The following PAK5 variants were observed in gnomAD, a reference collection of about 807,000 sequenced individuals.
PAK5 encodes the protein serine/threonine-protein kinase PAK 5.
PAK5 carries 16 observed loss-of-function variants against 65.9 expected under a neutral mutation model. The ratio of observed to expected loss-of-function variants is 0.24; its 90% CI spans 0.16 to 0.37. The LOEUF (loss-of-function observed/expected upper bound fraction) is 0.37. Among genes scored for constraint, PAK5 ranks in the 10% least tolerant of loss-of-function variants. The pLI, the probability that PAK5 is intolerant of heterozygous loss-of-function variation, is 1.00. For missense variants in PAK5, 785 were observed against 903.9 expected (o/e 0.87, Z 1.69); for synonymous variants, 371 against 354.9 (o/e 1.05, Z -0.51).
rs1603202670 is a variant in PAK5 at position 9,554,351 on chromosome 20, A to G, written c.1743+3257T>C. 2.0e-5 allele frequency among the ~76,000 whole-genome samples: 3 copies of G among 152,222 alleles called. No individual in the cohort carries two copies. In the South Asian group the frequency reaches 6.2e-4, roughly 32 times the overall value. On this transcript the variant is annotated intron_variant, in intron 7 of 9. Coordinates refer to ENST00000353224, the MANE Select transcript of PAK5 (RefSeq NM_177990.4). ...TTCTTGGGACGCACTCTTGGGACCC[A>G]GTTGCCATGCCATGAGGAAGCTCAA...
At chr20:9,641,539 C>T (rs1442585548) in intron 3 of PAK5, among the ~76,000 whole-genome samples, 4 of 151,282 alleles carry the variant, frequency 2.6e-5, no homozygotes, top group African/African-American at 4.8e-5. Flanking sequence ...TAGTGGATCC[C>T]GCACCGGGGC....
intron 5 of PAK5, 81 bp downstream of exon 5, chr20:9,565,812 A>G: frequency 7.3e-7 from 1 of 1,375,656 alleles, no homozygotes; most frequent in Non-Finnish European, 1.0e-6. Flanking sequence ...CTAATGTCCT[A>G]AAATGTACAT....
chr20:9,586,514 CTA>C (rs2046073200), intron 3 of PAK5, among the ~76,000 whole-genome samples: 1 of 152,030 alleles, frequency 6.6e-6, no homozygotes, highest in Non-Finnish European at 1.5e-5. Context: ...ACTATAGTAT[CTA>C]TGTGTCTAGG....
At chr20:9,813,546 C>T (rs1449639057) in intron 1 of PAK5, among the ~76,000 whole-genome samples, 2 of 152,006 alleles carry the variant, frequency 1.3e-5, no homozygotes, top group Non-Finnish European at 1.5e-5. Flanking sequence ...TGTTCAGTAA[C>T]GTTCATAGCA....
intron 2 of PAK5, among the ~76,000 whole-genome samples, chr20:9,667,608 A>G (rs1430154985): frequency 6.6e-6 from 1 of 152,178 alleles, no homozygotes; most frequent in African/African-American, 2.4e-5. Flanking sequence ...GGAAGCTCTA[A>G]TAATACCCTG....
chr20:9,665,852 C>T (rs893812113), intron 2 of PAK5, among the ~76,000 whole-genome samples: 4 of 151,978 alleles, frequency 2.6e-5, no homozygotes, highest in Non-Finnish European at 5.9e-5. Flanking sequence ...ATTTTTCCTT[C>T]CCACTGCTTA....
At chr20:9,778,160 T>C (rs986087008) in intron 1 of PAK5, among the ~76,000 whole-genome samples, 7 of 152,240 alleles carry the variant, frequency 4.6e-5, no homozygotes, top group African/African-American at 1.4e-4. Flanking sequence ...ATCTCCCATG[T>C]TCGTGTGTAT....
chr20:9,692,333 C>T (rs1281632203), intron 2 of PAK5, among the ~76,000 whole-genome samples: 1 of 150,980 alleles, frequency 6.6e-6, no homozygotes, highest in Non-Finnish European at 1.5e-5. Flanking sequence ...TGGCATCACA[C>T]CTTCCGTATG....
intron 3 of PAK5, among the ~76,000 whole-genome samples, chr20:9,588,572 T>C (rs2046111029): frequency 6.6e-6 from 1 of 152,208 alleles, no homozygotes; most frequent in African/African-American, 2.4e-5. Context: ...TTTCACTTTA[T>C]AGAATCATAA....
chr20:9,554,916 C>A (rs114344833), intron 7 of PAK5, among the ~76,000 whole-genome samples: 5 of 152,162 alleles, frequency 3.3e-5, no homozygotes, highest in Non-Finnish European at 7.3e-5. Flanking sequence ...CATGTCTCTG[C>A]TGTAACGCCA....
chr20:9,705,372 C>A (rs758860006), intron 2 of PAK5, among the ~76,000 whole-genome samples: 41 of 152,172 alleles, frequency 2.7e-4, no homozygotes, highest in East Asian at 1.9e-4. Context: ...AGCAAGATTC[C>A]ATTTCACACT....
chr20:9,733,356 C>A (rs1433862102), intron 1 of PAK5, among the ~76,000 whole-genome samples: 1 of 152,102 alleles, frequency 6.6e-6, no homozygotes, highest in Non-Finnish European at 1.5e-5. Flanking sequence ...AGCTAATTAG[C>A]ATATTCAACA....
intron 1 of PAK5, among the ~76,000 whole-genome samples, chr20:9,714,619 G>A (rs6056821): frequency 0.67 from 102,380 of 151,996 alleles, 34,703 homozygotes; most frequent in East Asian, 0.85. Context: ...TACTTCATAG[G>A]AAGTAATTTG....
rs145161269 is a variant in PAK5 at position 9,579,179 on chromosome 20, G to A, written c.990+966C>T. Among the ~76,000 whole-genome samples the A allele has an allele frequency of 6.4e-4, 97 of 152,232 alleles. 1 individual carries two copies. The East Asian group carries it at 0.017, about 26-fold the overall frequency. On this transcript the variant is annotated intron_variant, in intron 4 of 9. Coordinates refer to ENST00000353224, the MANE Select transcript of PAK5 (RefSeq NM_177990.4). ...CTGCTCACCAAACTGTCAAGAGTTTGGTATAAATAAAGTACATGACTGCCC... is the reference window on the plus strand; with the variant it reads ...CTGCTCACCAAACTGTCAAGAGTTTAGTATAAATAAAGTACATGACTGCCC...
At chr20:9,633,737 T>C (rs532574032) in intron 3 of PAK5, among the ~76,000 whole-genome samples, 6 of 152,306 alleles carry the variant, frequency 3.9e-5, no homozygotes, top group African/African-American at 4.8e-5. Context: ...GCGGTCCCTG[T>C]GTGGGTTCTT....
chr20:9,837,029 G>A (rs1403845789), intron 1 of PAK5, among the ~76,000 whole-genome samples: 1 of 152,182 alleles, frequency 6.6e-6, no homozygotes, highest in African/African-American at 2.4e-5. Flanking sequence ...GATTTTCAAT[G>A]CTTAGATATC....
intron 2 of PAK5, among the ~76,000 whole-genome samples, chr20:9,704,542 A>G (rs2047981507): frequency 6.6e-6 from 1 of 152,132 alleles, no homozygotes; most frequent in Non-Finnish European, 1.5e-5. Context: ...CACTAAATAT[A>G]TGATCCCTAT....
intron 4 of PAK5, among the ~76,000 whole-genome samples, chr20:9,571,847 A>G (rs1444468249): frequency 4.2e-5 from 6 of 142,744 alleles, no homozygotes; most frequent in African/African-American, 1.5e-4. Flanking sequence ...GGGTCCTTGA[A>G]AAATTCACAG....
chr20:9,753,736 A>T (rs1277982080), intron 1 of PAK5, among the ~76,000 whole-genome samples: 2 of 152,194 alleles, frequency 1.3e-5, no homozygotes, highest in Non-Finnish European at 2.9e-5. Flanking sequence ...TACTGAAAAC[A>T]CAATCCCAAA....
Sources: gnomAD v4.1 joint callset for allele counts (sites outside exome capture counted in the v4.1 genomes callset) on GRCh38, gnomAD v4.1.1 for gene constraint, MANE v1.5 for transcripts, NCBI Gene and HGNC (gene_info 2026-07-23, HGNC 2026-07-21) for gene names.